NRXN1: variants seen among roughly 807,000 people sequenced by gnomAD.
NRXN1 encodes neurexin-1.
NRXN1 carries 39 observed loss-of-function variants against 150.9 expected under a neutral mutation model. That is an observed-to-expected ratio of 0.26 (90% CI 0.20 to 0.34). The LOEUF is 0.34. Among genes scored for constraint, NRXN1 ranks in the 10% least tolerant of loss-of-function variants. NRXN1 has a pLI of 1.00. For missense variants in NRXN1, 1,815 were observed against 1,949.9 expected (o/e 0.93, Z 1.30); for synonymous variants, 924 against 757.0 (o/e 1.22, Z -3.62).
chr2:49,943,800 G>T lies in NRXN1; in HGVS notation c.4129-9C>A, dbSNP rs775179390. ...AGGATGTCATCTGTGGTCTGCAAAA[G>T]AATCACATTCAGTAGATTAATTTAA... On this transcript the variant is annotated splice_polypyrimidine_tract_variant and intron_variant, in intron 21 of 22. Coordinates refer to ENST00000401669, the MANE Select transcript of NRXN1 (RefSeq NM_001330078.2). 11 of 1,596,752 alleles carry T rather than the reference G, an allele frequency of 6.9e-6. No individual in the cohort carries two copies. Among genetic ancestry groups the T allele is most frequent in the Admixed American group, 3.4e-5 (2 of 59,406 alleles).
At chr2:50,671,045 T>C (rs939501786) in intron 5 of NRXN1, among the ~76,000 whole-genome samples, 3 of 151,940 alleles carry the variant, frequency 2.0e-5, no homozygotes, top group Non-Finnish European at 4.4e-5. Context: ...CCACTAATTT[T>C]AGCATGTATC....
chr2:50,481,021 T>C (rs1482713309), intron 15 of NRXN1, among the ~76,000 whole-genome samples: 3 of 152,226 alleles, frequency 2.0e-5, no homozygotes, highest in Non-Finnish European at 4.4e-5. Context: ...GGTTTTTGCC[T>C]GTTGAGCTAC....
intron 21 of NRXN1, among the ~76,000 whole-genome samples, chr2:49,982,484 A>C (rs1680146151): frequency 2.3e-5 from 1 of 42,678 alleles, no homozygotes; most frequent in Admixed American, 1.8e-4. Flanking sequence ...CTTAAAAAAA[A>C]CACACAAAAT....
intron 21 of NRXN1, among the ~76,000 whole-genome samples, chr2:49,988,715 C>T (rs1353308345): frequency 6.7e-6 from 1 of 149,730 alleles, no homozygotes; most frequent in Non-Finnish European, 1.5e-5. Context: ...ATTTGGGAAG[C>T]AAGATAATGG....
chr2:50,541,062 C>T (rs779607688), intron 9 of NRXN1, among the ~76,000 whole-genome samples: 7 of 152,110 alleles, frequency 4.6e-5, no homozygotes, highest in South Asian at 2.1e-4. Flanking sequence ...GAGGATTTGA[C>T]GAAATGAATA....
At chr2:50,571,352 G>C (rs551902627) in intron 8 of NRXN1, among the ~76,000 whole-genome samples, 1 of 152,294 alleles carries the variant, frequency 6.6e-6, no homozygotes, top group South Asian at 2.1e-4. Flanking sequence ...TAAGTTTCCT[G>C]GGTCTTAAGA....
intron 5 of NRXN1, among the ~76,000 whole-genome samples, chr2:50,869,037 A>T (rs1033984746): frequency 2.0e-5 from 3 of 151,844 alleles, no homozygotes; most frequent in African/African-American, 7.2e-5. Flanking sequence ...AAATGCCTTC[A>T]TGTTCATAGT....
intron 5 of NRXN1, among the ~76,000 whole-genome samples, chr2:50,678,668 C>G (rs1195181378): frequency 1.3e-5 from 2 of 152,084 alleles, no homozygotes; most frequent in Non-Finnish European, 2.9e-5. Context: ...ATCATGTCGC[C>G]AAACTGAGAT....
intron 17 of NRXN1, among the ~76,000 whole-genome samples, chr2:50,307,853 G>A (rs1189411322): frequency 6.6e-6 from 1 of 152,128 alleles, no homozygotes; most frequent in Non-Finnish European, 1.5e-5. Flanking sequence ...AAAAGAAACA[G>A]AAATGACAGG....
chr2:50,582,682 A>T (rs941677421), intron 8 of NRXN1, among the ~76,000 whole-genome samples: 1 of 148,728 alleles, frequency 6.7e-6, no homozygotes, highest in African/African-American at 2.5e-5. Flanking sequence ...AAAAAAAAAA[A>T]TCAAAGTACC....
chr2:50,902,318 A>G (rs1284138424), intron 5 of NRXN1, among the ~76,000 whole-genome samples: 1 of 152,182 alleles, frequency 6.6e-6, no homozygotes, highest in Non-Finnish European at 1.5e-5. Context: ...AAAAAAATAA[A>G]GCAAATGTTG....
intron 17 of NRXN1, among the ~76,000 whole-genome samples, chr2:50,377,622 A>G (rs2080617129): frequency 1.3e-5 from 2 of 152,298 alleles, no homozygotes; most frequent in African/African-American, 4.8e-5. Context: ...TTTCAAAAGA[A>G]AAGTGAGTTA....
intron 8 of NRXN1, among the ~76,000 whole-genome samples, chr2:50,567,150 C>A (rs1669999301): frequency 6.6e-6 from 1 of 152,146 alleles, no homozygotes; most frequent in Non-Finnish European, 1.5e-5. Flanking sequence ...AATTACCAGA[C>A]TACATTTTAA....
chr2:50,652,312 T>C (rs995773975), intron 5 of NRXN1, among the ~76,000 whole-genome samples: 1 of 152,078 alleles, frequency 6.6e-6, no homozygotes, highest in Non-Finnish European at 1.5e-5. Context: ...TCCAGTGTTA[T>C]GCAACCATCA....
intron 2 of NRXN1, 60 bp from the exon 3 acceptor site, chr2:50,926,015 A>T: frequency 7.1e-7 from 1 of 1,399,306 alleles, no homozygotes; most frequent in Non-Finnish European, 9.9e-7. Flanking sequence ...CAGCATGCAG[A>T]CTGGACCTTG....
intron 19 of NRXN1, among the ~76,000 whole-genome samples, chr2:50,088,117 GCCATA>G (rs1011067912): frequency 6.6e-6 from 1 of 152,016 alleles, no homozygotes; most frequent in African/African-American, 2.4e-5. Flanking sequence ...AATAAAAAGA[GCCATA>G]CCACAAACTG....
At chr2:50,262,604 T>C (rs1157085455) in intron 17 of NRXN1, among the ~76,000 whole-genome samples, 1 of 152,012 alleles carries the variant, frequency 6.6e-6, no homozygotes, top group Non-Finnish European at 1.5e-5. Context: ...CAAGCTGAAA[T>C]TCTTATGAGC....
At chr2:50,500,325 C>T (rs934594209) in intron 13 of NRXN1, among the ~76,000 whole-genome samples, 1 of 151,840 alleles carries the variant, frequency 6.6e-6, no homozygotes, top group Admixed American at 6.6e-5. Flanking sequence ...AGCATTGAAG[C>T]AACTATGGCC....
At chr2:50,348,538 G>A (rs545190899) in intron 17 of NRXN1, among the ~76,000 whole-genome samples, 1 of 152,180 alleles carries the variant, frequency 6.6e-6, no homozygotes, top group Non-Finnish European at 1.5e-5. Flanking sequence ...CTCTCATCCT[G>A]TCTTATAAAG....
Sources: gnomAD v4.1 joint callset for allele counts (sites outside exome capture counted in the v4.1 genomes callset) on GRCh38, gnomAD v4.1.1 for gene constraint, MANE v1.5 for transcripts, NCBI Gene and HGNC (gene_info 2026-07-23, HGNC 2026-07-21) for gene names.